STYXL1: variants seen among roughly 807,000 people sequenced by gnomAD.
The protein encoded by STYXL1 is serine/threonine/tyrosine-interacting-like protein 1.
STYXL1 carries 32 observed loss-of-function variants against 36.4 expected under a neutral mutation model. That is an observed-to-expected ratio of 0.88 (90% CI 0.66 to 1.18). The LOEUF is 1.18. STYXL1 is among the 50% of genes most tolerant of loss of function. The pLI is 0.00. For synonymous variants in STYXL1, 133 were observed against 144.1 expected, an observed-to-expected ratio of 0.92 and a Z score of 0.55; for missense variants, 354 against 394.1, an observed-to-expected ratio of 0.90 and a Z score of 0.86.
intron 5 of STYXL1, among the ~76,000 whole-genome samples, chr7:76,006,409 G>A (rs184168383): frequency 6.6e-6 from 1 of 152,218 alleles, no homozygotes; most frequent in East Asian, 1.9e-4. Flanking sequence ...CAGAGGGGTA[G>A]AGAGAACAAG....
rs141855149 is a variant in STYXL1 at position 76,034,064 on chromosome 7, C to G, written c.-4-3537G>C. ...AGGCATTCTAAGCAGGGAGGAAATA[C>G]TCAGTGAGTACTGGCCATGGGCATA... is the stretch of plus-strand genomic sequence containing the variant. On this transcript the variant is annotated intron_variant, in intron 1 of 8. Coordinates refer to ENST00000359697, the MANE Select transcript of STYXL1 (RefSeq NM_001317785.2). 1.3e-3 allele frequency among the ~76,000 whole-genome samples: 203 copies of G among 152,314 alleles called. 9 individuals carry two copies. The South Asian group carries it at 0.037, about 28-fold the overall frequency.
At chr7:76,015,075 C>T (rs1486743963) in intron 4 of STYXL1, among the ~76,000 whole-genome samples, 3 of 152,078 alleles carry the variant, frequency 2.0e-5, no homozygotes, top group African/African-American at 7.2e-5. Context: ...GGAAAGACCC[C>T]GCCTCCACAA....
Position 76,013,888 on chromosome 7 carries a change from C to T in STYXL1, c.308-1G>A. 1 of 1,608,164 alleles carries T rather than the reference C, an allele frequency of 6.2e-7. No homozygotes were observed. The highest frequency in any genetic ancestry group is 8.5e-7 in the Non-Finnish European group (1 of 1,176,534). ...TCAATGGCTGCTTGAGGCACAAGAT[C>T]TGAGAGTGGAGACCAAAGACATGAA... On this transcript the variant is annotated splice_acceptor_variant, in intron 4 of 8. Transcript: ENST00000359697. LOFTEE classifies it high-confidence loss of function.
intron 7 of STYXL1, among the ~76,000 whole-genome samples, chr7:76,002,216 T>G (rs915057011): frequency 6.6e-6 from 1 of 152,170 alleles, no homozygotes; most frequent in Non-Finnish European, 1.5e-5. Context: ...TACTACCTAC[T>G]TCATACAGTT....
chr7:76,002,861 T>C (rs1791144003), intron 7 of STYXL1, among the ~76,000 whole-genome samples: 1 of 151,514 alleles, frequency 6.6e-6, no homozygotes, highest in African/African-American at 2.4e-5. Context: ...GAAGTAGAGA[T>C]TGCAGTGAGC....
chr7:75,997,892 G>A (rs961928269), intron 8 of STYXL1, among the ~76,000 whole-genome samples: 17 of 152,002 alleles, frequency 1.1e-4, no homozygotes, highest in African/African-American at 4.1e-4. Flanking sequence ...TAACCAAGGA[G>A]GCAAAAGACT....
intron 7 of STYXL1, among the ~76,000 whole-genome samples, chr7:76,001,220 C>T (rs1790879932): frequency 1.3e-5 from 2 of 152,218 alleles, no homozygotes; most frequent in Admixed American, 6.5e-5. Flanking sequence ...AGAATCATGC[C>T]TGGGCAACCA....
At chr7:76,017,889 C>T (rs1261262857) in intron 4 of STYXL1, among the ~76,000 whole-genome samples, 5 of 38,274 alleles carry the variant, frequency 1.3e-4, no homozygotes, top group Non-Finnish European at 2.5e-4. Flanking sequence ...AAAGGCAAGA[C>T]AGAAGAAAAA....
At chr7:76,002,593 C>T (rs1327011610) in intron 7 of STYXL1, among the ~76,000 whole-genome samples, 1 of 152,086 alleles carries the variant, frequency 6.6e-6, no homozygotes, top group Non-Finnish European at 1.5e-5. Context: ...AGCCTCAGGC[C>T]CTGGTTGAGC....
chr7:76,025,600 G>C (rs999898342), intron 3 of STYXL1, among the ~76,000 whole-genome samples: 2 of 151,888 alleles, frequency 1.3e-5, no homozygotes, highest in African/African-American at 4.8e-5. Context: ...GACCAGCCTG[G>C]CCAACATGGC....
intron 3 of STYXL1, among the ~76,000 whole-genome samples, chr7:76,022,493 T>C (rs1161041738): frequency 3.1e-5 from 3 of 97,044 alleles, no homozygotes; most frequent in Non-Finnish European, 8.6e-5. Flanking sequence ...TCCCCGACTC[T>C]ATGAAAAAAA....
chr7:76,040,758 C>G (rs1425580760), intron 1 of STYXL1, among the ~76,000 whole-genome samples: 1 of 150,286 alleles, frequency 6.7e-6, no homozygotes, highest in Non-Finnish European at 1.5e-5. Context: ...ATCGCTTGAA[C>G]CTGGGAGACG....
At chr7:76,001,099 G>C (rs1192629843) in intron 7 of STYXL1, 97 bp from the exon 8 acceptor site, 7 of 926,588 alleles carry the variant, frequency 7.6e-6, no homozygotes, top group African/African-American at 1.6e-5. Context: ...CGTGGTCCAA[G>C]CATGAGTTCA....
Position 75,999,502 on chromosome 7 carries a change from T to TGC in STYXL1, c.810+1387_810+1388insGC, listed in dbSNP as rs1554565584. 6.2e-5 allele frequency among the ~76,000 whole-genome samples: 5 copies of TGC among 80,690 alleles called. 1 individual carries two copies. Among genetic ancestry groups the TGC allele is most frequent in the African/African-American group, 2.1e-4 (4 of 19,200 alleles). 52.9% of individuals were successfully genotyped at this position (80,690 alleles called of 152,430 possible). Reference sequence around the variant, plus strand: ...TGGTAATTTTTTTGTTGTGTGTGTGTGTGTGTGTATGTGTGTGTGTGTGTG... The same window carrying TGC: ...TGGTAATTTTTTTGTTGTGTGTGTGTGCGTGTGTGTATGTGTGTGTGTGTGTG... On this transcript the variant is annotated intron_variant, in intron 8 of 8. Coordinates refer to ENST00000359697, the MANE Select transcript of STYXL1 (RefSeq NM_001317785.2).
chr7:76,043,332 G>A (rs1268059702), intron 1 of STYXL1, among the ~76,000 whole-genome samples: 1 of 151,920 alleles, frequency 6.6e-6, no homozygotes, highest in African/African-American at 2.4e-5. Flanking sequence ...TAGAGATGGG[G>A]TTTCACCATG....
intron 3 of STYXL1, among the ~76,000 whole-genome samples, chr7:76,027,121 G>C (rs1794806832): frequency 6.6e-6 from 1 of 152,038 alleles, no homozygotes; most frequent in South Asian, 2.1e-4. Context: ...GAACCTCCAA[G>C]TTCAGGGCAG....
intron 1 of STYXL1, among the ~76,000 whole-genome samples, 166 bp downstream of exon 1, chr7:76,047,496 T>C (rs536675103): frequency 4.3e-4 from 65 of 152,278 alleles, no homozygotes; most frequent in African/African-American, 1.3e-3. Context: ...GAACACAGAA[T>C]AGTGGTCCTC....
intron 1 of STYXL1, among the ~76,000 whole-genome samples, chr7:76,046,337 TGTGCGC>T (rs1165761593): frequency 4.2e-5 from 1 of 23,654 alleles, no homozygotes; most frequent in Non-Finnish European, 1.1e-4. Context: ...TGTGTGTGTG[TGTGCGC>T]GCGCGCGCGC....
At chr7:76,021,132 C>T (rs1794009550) in intron 4 of STYXL1, among the ~76,000 whole-genome samples, 1 of 150,760 alleles carries the variant, frequency 6.6e-6, no homozygotes, top group Admixed American at 6.6e-5. Context: ...GGCTGGAGTG[C>T]AGTGGCGTGA....
Sources: gnomAD v4.1 joint callset for allele counts (sites outside exome capture counted in the v4.1 genomes callset) on GRCh38, gnomAD v4.1.1 for gene constraint, MANE v1.5 for transcripts, NCBI Gene and HGNC (gene_info 2026-07-23, HGNC 2026-07-21) for gene names.